PIAS2: variants seen among roughly 807,000 people sequenced by gnomAD.
PIAS2 encodes the protein protein inhibitor of activated STAT 2, also known as E3 SUMO-protein ligase PIAS2.
PIAS2 carries 19 observed loss-of-function variants against 69.7 expected under a neutral mutation model. The observed-to-expected ratio is 0.27, with a 90% CI of 0.19 to 0.40. The LOEUF is 0.40. Ranked by LOEUF, PIAS2 falls within the 10% of genes least tolerant of loss-of-function variation. The pLI, the probability that PIAS2 is intolerant of heterozygous loss-of-function variation, is 1.00. For synonymous variants in PIAS2, 261 were observed against 263.2 expected (o/e 0.99, Z 0.08); for missense variants, 624 against 757.0 (o/e 0.82, Z 2.06).
chr18:46,875,427 A>G (rs1007334603), intron 2 of PIAS2, among the ~76,000 whole-genome samples: 2 of 152,210 alleles, frequency 1.3e-5, no homozygotes, highest in Non-Finnish European at 2.9e-5. Flanking sequence ...CTTGTTGCTA[A>G]TTATAGATAA....
chr18:46,846,621 G>A, intron 6 of PIAS2, 86 bp downstream of exon 6: 1 of 1,295,308 alleles, frequency 7.7e-7, no homozygotes, highest in Admixed American at 2.6e-5. Context: ...AACAGAAAGA[G>A]CTGAAGCCAA....
chr18:46,844,040 G>C lies in PIAS2; in HGVS notation c.1041+14C>G. 6.9e-7 allele frequency: 1 copy of C among 1,448,424 alleles called. No homozygotes were observed. The highest frequency in any genetic ancestry group is 9.3e-7 in the Non-Finnish European group (1 of 1,080,860). 89.7% of individuals were successfully genotyped at this position (1,448,424 alleles called of 1,614,324 possible). A position where few individuals can be genotyped will look rare whatever the true frequency, so the allele number is the denominator to read the frequency against. On this transcript the variant is annotated intron_variant, in intron 8 of 13. Transcript: ENST00000585916. ...AAAGTCAAATTCCCCAAAATGTTTT[G>C]TTGCTTTACTTACAGGGCACATCAA...
In PIAS2 at chr18:46,820,952, G is replaced by A. The variant is rs1321115357; in HGVS notation, c.1629C>T (p.Ser543=). The A allele has an allele frequency of 6.2e-7, 1 of 1,611,960 alleles. No homozygotes were observed. The highest frequency in any genetic ancestry group is 1.7e-5 in the Admixed American group (1 of 59,790). ...SVPFHHTPIS[S]MSSDLPGLDF... is the part of the protein sequence containing the mutation. Reference sequence around the variant, plus strand: ...ACATACCTGGCAAATCTGATGACATGCTTGATATTGGCGTATGGTGGAATG... The same window carrying A: ...ACATACCTGGCAAATCTGATGACATACTTGATATTGGCGTATGGTGGAATG... The change falls in exon 12 of 14, where the codon AGC becomes AGT. Residue 543 remains serine, a synonymous_variant. Transcript: ENST00000585916.
intron 2 of PIAS2, among the ~76,000 whole-genome samples, chr18:46,886,843 T>C (rs546629765): frequency 6.9e-5 from 10 of 145,772 alleles, no homozygotes; most frequent in African/African-American, 1.4e-4. Flanking sequence ...GTCCCCCCCC[T>C]CCAAAAAAAA....
intron 1 of PIAS2, among the ~76,000 whole-genome samples, chr18:46,900,127 G>A (rs2055569354): frequency 6.6e-6 from 1 of 152,286 alleles, no homozygotes; most frequent in African/African-American, 2.4e-5. Context: ...CACTTTGGGA[G>A]GCCGAGGCGG....
intron 2 of PIAS2, among the ~76,000 whole-genome samples, chr18:46,871,835 T>C (rs1269695875): frequency 2.0e-5 from 3 of 152,176 alleles, no homozygotes; most frequent in Non-Finnish European, 4.4e-5. Context: ...ACTAACCTAT[T>C]AGGAAGACAT....
rs913846010 is a variant in PIAS2, at chr18:46,805,932, C to T, written c.*6501G>A. ...GTCTTCACTCTAAACTGCCTCCTGT[C>T]TCTGTAGATAGTGCCATTAACATCC... On this transcript the variant is annotated 3_prime_UTR_variant, in exon 14 of 14. Coordinates refer to ENST00000585916, the MANE Select transcript of PIAS2 (RefSeq NM_004671.5). The T allele has an allele frequency of 6.6e-6, 1 of 152,170 alleles. No individual in the cohort carries two copies. The highest frequency in any genetic ancestry group is 6.5e-5 in the Admixed American group (1 of 15,278). 9.4% of individuals were successfully genotyped at this position (152,170 alleles called of 1,614,324 possible). A position where few individuals can be genotyped will look rare whatever the true frequency, so the allele number is the denominator to read the frequency against.
At chr18:46,829,488 A>G (rs1439748352) in intron 10 of PIAS2, among the ~76,000 whole-genome samples, 1 of 152,238 alleles carries the variant, frequency 6.6e-6, no homozygotes, top group African/African-American at 2.4e-5. Context: ...ATATTTTAAA[A>G]TGATTTTAGA....
intron 1 of PIAS2, among the ~76,000 whole-genome samples, chr18:46,902,529 C>T (rs1401412838): frequency 1.3e-5 from 2 of 151,826 alleles, no homozygotes; most frequent in Non-Finnish European, 2.9e-5. Flanking sequence ...CATTGCACTC[C>T]AGCCTGGGCA....
chr18:46,839,130 T>C (rs1166975143), intron 8 of PIAS2, among the ~76,000 whole-genome samples: 1 of 152,212 alleles, frequency 6.6e-6, no homozygotes, highest in African/African-American at 2.4e-5. Flanking sequence ...TTTCCACCAA[T>C]GTAAGTGAGT....
chr18:46,859,930 T>G (rs1568567929), intron 3 of PIAS2, among the ~76,000 whole-genome samples: 1 of 152,192 alleles, frequency 6.6e-6, no homozygotes, highest in East Asian at 1.9e-4. Flanking sequence ...TGTGAGGAAC[T>G]GAGAGCATGG....
At chr18:46,848,799 G>C (rs1265148907) in intron 5 of PIAS2, among the ~76,000 whole-genome samples, 6 of 148,810 alleles carry the variant, frequency 4.0e-5, no homozygotes, top group Admixed American at 1.3e-4. Context: ...GAGAGAGAGA[G>C]AGTAGGAAGG....
chr18:46,877,685 G>C (rs978204925), intron 2 of PIAS2, among the ~76,000 whole-genome samples: 3 of 150,940 alleles, frequency 2.0e-5, no homozygotes, highest in Non-Finnish European at 4.4e-5. Context: ...CCAGCCAATG[G>C]GGACACGACA....
chr18:46,878,326 T>G (rs2051593522), intron 2 of PIAS2, among the ~76,000 whole-genome samples: 1 of 152,220 alleles, frequency 6.6e-6, no homozygotes, highest in African/African-American at 2.4e-5. Context: ...GTGGAAGTCC[T>G]CATCAAAAGT....
chr18:46,847,665 G>T (rs2145292867), intron 5 of PIAS2, among the ~76,000 whole-genome samples: 1 of 152,126 alleles, frequency 6.6e-6, no homozygotes, highest in South Asian at 2.1e-4. Context: ...TGTATTTTTA[G>T]TAGAGACAGG....
intron 9 of PIAS2, among the ~76,000 whole-genome samples, chr18:46,835,173 ATC>A (rs1054949992): frequency 3.9e-5 from 6 of 152,222 alleles, no homozygotes; most frequent in Admixed American, 1.3e-4. Flanking sequence ...GGTAATAATC[ATC>A]TCTCTCTACA....
chr18:46,804,278 A>T lies in PIAS2; in HGVS notation c.*8155T>A, dbSNP rs1228839536. ...TTATTTTATGTATTAAGAGTATATA[A>T]ACCAGGGTACTGGGATAATAGTTAG... is the stretch of plus-strand genomic sequence containing the variant. On this transcript the variant is annotated 3_prime_UTR_variant, in exon 14 of 14. Transcript: ENST00000585916. The T allele has an allele frequency of 1.3e-5, 2 of 152,290 alleles. No individual in the cohort carries two copies. Among genetic ancestry groups the T allele is most frequent in the African/African-American group, 2.4e-5 (1 of 41,564 alleles). 9.4% of individuals were successfully genotyped at this position (152,290 alleles called of 1,614,324 possible).
rs115929032 is a variant in PIAS2 at position 46,871,799 on chromosome 18, A to C, written c.500-7551T>G. On this transcript the variant is annotated intron_variant, in intron 2 of 13. Coordinates refer to ENST00000585916, the MANE Select transcript of PIAS2 (RefSeq NM_004671.5). The stretch of plus-strand genomic sequence containing the variant: ...TATAAAAATTGATCAGCCCACTTTC[A>C]ATTTCTGTTAATCCCTGAGGCAGGA... Among the ~76,000 whole-genome samples, 957 of 152,294 alleles carry C rather than the reference A, an allele frequency of 6.3e-3. 6 individuals are homozygous for C. The highest frequency in any genetic ancestry group is 0.022 in the African/African-American group (899 of 41,574).
chr18:46,876,538 AG>A (rs978828439), intron 2 of PIAS2, among the ~76,000 whole-genome samples: 15 of 152,346 alleles, frequency 9.8e-5, no homozygotes, highest in African/African-American at 3.1e-4. Flanking sequence ...ATACTAGCAG[AG>A]AAAGGTGGAG....
Sources: allele counts gnomAD v4.1 joint callset (sites outside exome capture counted in the v4.1 genomes callset), GRCh38; gene constraint gnomAD v4.1.1; transcripts MANE v1.5; gene names NCBI Gene and HGNC (gene_info 2026-07-23, HGNC 2026-07-21).